Variants in DPYD observed in about 807,000 individuals in gnomAD.
DPYD encodes the protein dihydropyrimidine dehydrogenase [NADP(+)].
DPYD carries 109 observed loss-of-function variants against 116.2 expected under a neutral mutation model. That is an observed-to-expected ratio of 0.94 (90% CI 0.80 to 1.10). DPYD has a LOEUF of 1.10. DPYD is among the 50% of genes least tolerant of loss of function. The probability of loss-of-function intolerance (pLI) is 0.00; values close to 1 mark genes in which losing one functional copy is unlikely to be tolerated. For synonymous variants in DPYD, 440 were observed against 432.0 expected (o/e 1.02, Z -0.23); for missense variants, 1,302 against 1,254.5 (o/e 1.04, Z -0.57).
At chr1:97,248,709 C>T (rs1662887081) in intron 18 of DPYD, among the ~76,000 whole-genome samples, 1 of 152,068 alleles carries the variant, frequency 6.6e-6, no homozygotes, top group South Asian at 2.1e-4. Context: ...CTCAATCTGA[C>T]AAAGAACATC....
At chr1:97,807,364 T>C (rs775805069) in intron 3 of DPYD, among the ~76,000 whole-genome samples, 26 of 152,172 alleles carry the variant, frequency 1.7e-4, no homozygotes, top group African/African-American at 6.3e-4. Flanking sequence ...CCTAATTGTG[T>C]AGTGGTATCT....
intron 21 of DPYD, among the ~76,000 whole-genome samples, chr1:97,092,416 G>A (rs940726227): frequency 9.9e-5 from 15 of 152,184 alleles, no homozygotes; most frequent in Admixed American, 2.0e-4. Context: ...TAAAACAATC[G>A]GTGCTTTCTG....
chr1:97,523,947 A>G (rs1219661846), intron 12 of DPYD, among the ~76,000 whole-genome samples: 1 of 152,194 alleles, frequency 6.6e-6, no homozygotes, highest in African/African-American at 2.4e-5. Flanking sequence ...TGTACACTTA[A>G]AGATGTCTAA....
intron 12 of DPYD, among the ~76,000 whole-genome samples, chr1:97,530,500 A>G (rs1649538454): frequency 6.6e-6 from 1 of 152,086 alleles, no homozygotes; most frequent in South Asian, 2.1e-4. Flanking sequence ...TACAGGCGTG[A>G]GCCACCGCGC....
At chr1:97,778,440 G>A (rs1666546518) in intron 3 of DPYD, among the ~76,000 whole-genome samples, 4 of 151,958 alleles carry the variant, frequency 2.6e-5, no homozygotes, top group Admixed American at 2.0e-4. Context: ...CAAAGCTAAT[G>A]AGTGAGAAGG....
intron 20 of DPYD, among the ~76,000 whole-genome samples, chr1:97,187,121 G>C (rs1443306907): frequency 6.6e-6 from 1 of 152,052 alleles, no homozygotes; most frequent in Non-Finnish European, 1.5e-5. Context: ...GTGAATGGTA[G>C]TTTTATTTTC....
chr1:97,101,298 TA>T (rs1471942299), intron 20 of DPYD, among the ~76,000 whole-genome samples: 2 of 151,860 alleles, frequency 1.3e-5, no homozygotes, highest in African/African-American at 2.4e-5. Context: ...TTAAGTGCTT[TA>T]AAAAATATGT....
chr1:97,902,689 T>C (rs910043028), intron 1 of DPYD, among the ~76,000 whole-genome samples: 3 of 151,846 alleles, frequency 2.0e-5, no homozygotes, highest in African/African-American at 7.2e-5. Flanking sequence ...TATGTTGCTA[T>C]ATAATAAGAG....
chr1:97,887,507 C>T (rs773122133), intron 1 of DPYD, among the ~76,000 whole-genome samples: 3 of 121,602 alleles, frequency 2.5e-5, no homozygotes, highest in African/African-American at 5.9e-5. Flanking sequence ...TATATCCAGT[C>T]GCTAGTAACA....
At chr1:97,337,188 C>A (rs1025329567) in intron 16 of DPYD, among the ~76,000 whole-genome samples, 1 of 151,936 alleles carries the variant, frequency 6.6e-6, no homozygotes, top group Admixed American at 6.6e-5. Flanking sequence ...CATGAAGAGG[C>A]AGAAATGAAA....
chr1:97,849,446 T>C (rs1490258560), intron 2 of DPYD, among the ~76,000 whole-genome samples: 2 of 152,190 alleles, frequency 1.3e-5, no homozygotes, highest in Non-Finnish European at 2.9e-5. Context: ...GTGCTTTATA[T>C]GTCTTAATTT....
intron 3 of DPYD, among the ~76,000 whole-genome samples, chr1:97,796,418 C>G (rs756414370): frequency 3.9e-4 from 60 of 152,022 alleles, no homozygotes; most frequent in Admixed American, 5.3e-4. Flanking sequence ...CTACATTGAT[C>G]ACAAATTGAA....
At chr1:97,685,179 C>A (rs1276440128) in intron 7 of DPYD, among the ~76,000 whole-genome samples, 3 of 152,102 alleles carry the variant, frequency 2.0e-5, no homozygotes, top group Admixed American at 6.5e-5. Context: ...AGGTGCAAGG[C>A]TGGTTCAACA....
Position 97,187,049 on chromosome 1 carries a change from T to C in DPYD, c.2622+6020A>G, listed in dbSNP as rs189686967. On this transcript the variant is annotated intron_variant, in intron 20 of 22. Coordinates refer to ENST00000370192, the MANE Select transcript of DPYD (RefSeq NM_000110.4). ...TAGTGCTGCCATAAACATATGAATG[T>C]ATTTTTTTGATGTAATGATGTCTTT... Among the ~76,000 whole-genome samples the C allele has an allele frequency of 2.1e-4, 32 of 152,292 alleles. No individual in the cohort carries two copies. The East Asian group carries it at 4.3e-3, about 20-fold the overall frequency.
intron 19 of DPYD, among the ~76,000 whole-genome samples, chr1:97,217,332 A>G (rs982937121): frequency 1.3e-5 from 2 of 152,238 alleles, no homozygotes; most frequent in Non-Finnish European, 2.9e-5. Flanking sequence ...GACAGAGGTC[A>G]TTCATCCTAA....
intron 11 of DPYD, among the ~76,000 whole-genome samples, chr1:97,563,405 T>C (rs149263093): frequency 8.5e-5 from 13 of 152,336 alleles, no homozygotes; most frequent in African/African-American, 1.4e-4. Context: ...TCACTGTGTG[T>C]TCAAAACCAT....
chr1:97,171,147 A>T (rs1656695693), intron 20 of DPYD, among the ~76,000 whole-genome samples: 1 of 152,188 alleles, frequency 6.6e-6, no homozygotes, highest in Admixed American at 6.5e-5. Context: ...GAATAGAAGG[A>T]GGAAGAGTTG....
At chr1:97,399,508 G>T (rs1673232437) in intron 14 of DPYD, among the ~76,000 whole-genome samples, 1 of 152,056 alleles carries the variant, frequency 6.6e-6, no homozygotes, top group Non-Finnish European at 1.5e-5. Context: ...GCTTGATGGG[G>T]ATGGCATTGA....
At chr1:97,133,173 T>G (rs1653465823) in intron 20 of DPYD, among the ~76,000 whole-genome samples, 2 of 152,056 alleles carry the variant, frequency 1.3e-5, no homozygotes, top group South Asian at 4.1e-4. Context: ...ATAAAAGCAT[T>G]AATTCTGCCA....
Sources: allele counts gnomAD v4.1 joint callset (sites outside exome capture counted in the v4.1 genomes callset), GRCh38; gene constraint gnomAD v4.1.1; transcripts MANE v1.5; gene names NCBI Gene and HGNC (gene_info 2026-07-23, HGNC 2026-07-21).